The following PXK variants were observed in gnomAD, a reference collection of about 807,000 sequenced individuals.
PXK encodes the protein PX domain-containing protein kinase-like protein.
In PXK, 35 loss-of-function variants were observed where a neutral mutation model predicts 84.7. The observed-to-expected ratio is 0.41, with a 90% confidence interval of 0.32 to 0.55. The LOEUF is 0.55. PXK is among the 20% of genes least tolerant of loss of function. The pLI is 0.21. For synonymous variants in PXK, 253 were observed against 260.8 expected (o/e 0.97, Z 0.29); for missense variants, 634 against 699.7 (o/e 0.91, Z 1.06).
chr3:58,405,556 G>T (rs1290264928), intron 13 of PXK, among the ~76,000 whole-genome samples: 2 of 151,962 alleles, frequency 1.3e-5, no homozygotes, highest in African/African-American at 4.8e-5. Flanking sequence ...GCAGGTGCCT[G>T]TAATCCCAGC....
rs1559817681 is a variant in PXK at position 58,333,592 on chromosome 3, GTA to G, written c.102+503_102+504del. Reference sequence around the variant, plus strand: ...AGCCTACTTGTTGGGACAGCAGAGTGTAAGTGGCTGGGGTCTGCAGCCCCGTT... The same window carrying G: ...AGCCTACTTGTTGGGACAGCAGAGTGAGTGGCTGGGGTCTGCAGCCCCGTT... On this transcript the variant is annotated intron_variant, in intron 1 of 17. Coordinates refer to ENST00000356151, the MANE Select transcript of PXK (RefSeq NM_017771.5). The surrounding 1 kb of genome is among the most constrained non-coding windows in gnomAD (Gnocchi z 5.4). 1 of 456,736 alleles carries G rather than the reference GTA, an allele frequency of 2.2e-6. No individual in the cohort carries two copies. The highest frequency in any genetic ancestry group is 4.4e-6 in the Non-Finnish European group (1 of 226,956). The allele number at this position is 456,736 out of a possible 1,614,324, so 28.3% of individuals were successfully genotyped here. A position where few individuals can be genotyped will look rare whatever the true frequency, so the allele number is the denominator to read the frequency against.
At chr3:58,380,568 T>C (rs2098488541) in intron 3 of PXK, among the ~76,000 whole-genome samples, 1 of 152,170 alleles carries the variant, frequency 6.6e-6, no homozygotes, top group South Asian at 2.1e-4. Flanking sequence ...CCCAATACTT[T>C]GAGAGGCCAA....
intron 3 of PXK, among the ~76,000 whole-genome samples, chr3:58,381,089 A>G (rs2098496235): frequency 6.6e-6 from 1 of 152,056 alleles, no homozygotes; most frequent in Non-Finnish European, 1.5e-5. Flanking sequence ...TCTACTAAAA[A>G]TACGAAAATA....
rs1366597955 is a variant in PXK at position 58,333,564 on chromosome 3, C to T, written c.102+474C>T. On this transcript the variant is annotated intron_variant, in intron 1 of 17. Transcript: ENST00000356151. The surrounding 1 kb of genome is among the most constrained non-coding windows in gnomAD (Gnocchi z 5.4). ...TGCCGGGCCAAATGAAGTGTGACTC[C>T]AGAGCCTACTTGTTGGGACAGCAGA... 4.4e-6 allele frequency: 2 copies of T among 456,726 alleles called. No individual in the cohort carries two copies. Among genetic ancestry groups the T allele is most frequent in the African/African-American group, 2.0e-5 (1 of 50,200 alleles). The allele number at this position is 456,726 out of a possible 1,614,324, so 28.3% of individuals were successfully genotyped here.
chr3:58,406,213 C>T lies in PXK; in HGVS notation c.1230+2303C>T, dbSNP rs145531999. Among the ~76,000 whole-genome samples the T allele has an allele frequency of 6.0e-3, 908 of 152,224 alleles. 9 individuals are homozygous for T. Among genetic ancestry groups the T allele is most frequent in the African/African-American group, 0.021 (856 of 41,540 alleles). The stretch of plus-strand genomic sequence containing the variant: ...ACCTCAGGTGAACCACTCACCTCGG[C>T]CTCCCAAAGTGCTGGGATTACAGGT... On this transcript the variant is annotated intron_variant, in intron 13 of 17. Coordinates refer to ENST00000356151, the MANE Select transcript of PXK (RefSeq NM_017771.5).
intron 1 of PXK, among the ~76,000 whole-genome samples, chr3:58,336,083 T>A (rs1284258066): frequency 3.6e-3 from 365 of 102,446 alleles, no homozygotes; most frequent in African/African-American, 0.015. Flanking sequence ...TTTTTTTTTT[T>A]TTTTTTAATA....
intron 17 of PXK, chr3:58,422,671 CA>C: frequency 1.0e-6 from 1 of 985,392 alleles, no homozygotes; most frequent in Non-Finnish European, 1.2e-6. Flanking sequence ...GTAATGACGC[CA>C]AAACCAAGGG....
chr3:58,406,110 G>A (rs1192626864), intron 13 of PXK, among the ~76,000 whole-genome samples: 1 of 151,922 alleles, frequency 6.6e-6, no homozygotes, highest in Non-Finnish European at 1.5e-5. Flanking sequence ...GGGATTACAA[G>A]CATGCGCCAC....
At chr3:58,422,147 GTGGACCA>G in intron 17 of PXK, 1 of 985,370 alleles carries the variant, frequency 1.0e-6, no homozygotes, top group Non-Finnish European at 1.2e-6. Flanking sequence ...CAGGAAGCTT[GTGGACCA>G]TGGAAAGGGC....
At position 58,421,552 on chromosome 3, in the gene PXK, C is replaced by T; in HGVS notation, c.1529-3200C>T. 1.0e-6 allele frequency: 1 copy of T among 971,626 alleles called. No individual in the cohort carries two copies. Among genetic ancestry groups the T allele is most frequent in the South Asian group, 4.7e-5 (1 of 21,056 alleles). The allele number at this position is 971,626 out of a possible 1,614,324, so 60.2% of individuals were successfully genotyped here. ...CCGAGATCGCGCCACTGCACTCCAGCCTGGGCAACAGAGCGAGACTCCATC... is the reference window on the plus strand; with the variant it reads ...CCGAGATCGCGCCACTGCACTCCAGTCTGGGCAACAGAGCGAGACTCCATC... On this transcript the variant is annotated intron_variant, in intron 17 of 17. Transcript: ENST00000356151. The surrounding 1 kb of genome is among the most constrained non-coding windows in gnomAD (Gnocchi z 5.5).
In PXK at chr3:58,408,639, C is replaced by T. The variant is rs9860515; in HGVS notation, c.1231-285C>T. Reference sequence around the variant, plus strand: ...CCGGGTTCACGCCATTCTCCTGCCTCAGCCTCCTGAGTAGCTGGGACTACA... The same window carrying T: ...CCGGGTTCACGCCATTCTCCTGCCTTAGCCTCCTGAGTAGCTGGGACTACA... On this transcript the variant is annotated intron_variant, in intron 13 of 17. Transcript: ENST00000356151. Among the ~76,000 whole-genome samples the T allele has an allele frequency of 7.3e-3, 1,116 of 152,182 alleles. 14 individuals are homozygous for T. Among genetic ancestry groups the T allele is most frequent in the African/African-American group, 0.026 (1,059 of 41,494 alleles).
At chr3:58,343,036 CATT>C (rs1255857964) in intron 1 of PXK, among the ~76,000 whole-genome samples, 2 of 152,196 alleles carry the variant, frequency 1.3e-5, no homozygotes, top group African/African-American at 4.8e-5. Context: ...CATTTCTCCT[CATT>C]AATTCAGTTG....
chr3:58,379,764 A>G lies in PXK; in HGVS notation c.202-2750A>G, dbSNP rs1484550795. ...GACAACTATTTAGAAGGGCTAAAAG[A>G]TAAAGGAAATACTCTTTAAAAAAAA... On this transcript the variant is annotated intron_variant, in intron 3 of 17. Transcript: ENST00000356151. This position sits in a 1 kb window ranked among gnomAD's most constrained non-coding sequence, Gnocchi z 5.1. Among the ~76,000 whole-genome samples, 1 of 152,166 alleles carries G rather than the reference A, an allele frequency of 6.6e-6. No homozygotes were observed. Among genetic ancestry groups the G allele is most frequent in the African/African-American group, 2.4e-5 (1 of 41,436 alleles).
intron 17 of PXK, among the ~76,000 whole-genome samples, chr3:58,417,085 T>C (rs2061085618): frequency 6.6e-6 from 1 of 152,176 alleles, no homozygotes; most frequent in African/African-American, 2.4e-5. Flanking sequence ...TTAAATTTTT[T>C]GTAGAGACAG....
At chr3:58,337,267 C>T (rs1336468001) in intron 1 of PXK, among the ~76,000 whole-genome samples, 2 of 152,170 alleles carry the variant, frequency 1.3e-5, no homozygotes, top group Non-Finnish European at 2.9e-5. Flanking sequence ...GATAATATTA[C>T]ATGTTAAAAT....
chr3:58,343,858 C>T (rs1053267598), intron 1 of PXK, among the ~76,000 whole-genome samples: 7 of 152,268 alleles, frequency 4.6e-5, no homozygotes, highest in Admixed American at 1.3e-4. Flanking sequence ...ACCTGCCAAG[C>T]GGGTTACGGG....
In PXK at chr3:58,370,929, G is replaced by A. The variant is rs973392845; in HGVS notation, c.201+1451G>A. 6.6e-6 allele frequency among the ~76,000 whole-genome samples: 1 copy of A among 152,150 alleles called. No individual in the cohort carries two copies. Among genetic ancestry groups the A allele is most frequent in the Non-Finnish European group, 1.5e-5 (1 of 68,016 alleles). On this transcript the variant is annotated intron_variant, in intron 3 of 17. Transcript: ENST00000356151. The surrounding 1 kb of genome is among the most constrained non-coding windows in gnomAD (Gnocchi z 4.2). ...AGGAGAACCGCCTGAACCCAGGAGG[G>A]GGAGGTTGCAGTGAGCCAAGAATGC...
intron 1 of PXK, among the ~76,000 whole-genome samples, chr3:58,339,383 C>T: frequency 6.6e-6 from 1 of 151,830 alleles, no homozygotes; most frequent in East Asian, 1.9e-4. Flanking sequence ...GCGCCACGTA[C>T]CATGCTCGGC....
Position 58,399,524 on chromosome 3 carries a change from G to A in PXK, c.1181+147G>A. Reference sequence around the variant, plus strand: ...GCTTGCTGATGGGCACTTGCAGCATGATATCCTCACCCTTTGTTTGTGACC... The same window carrying A: ...GCTTGCTGATGGGCACTTGCAGCATAATATCCTCACCCTTTGTTTGTGACC... On this transcript the variant is annotated intron_variant, in intron 12 of 17. Coordinates refer to ENST00000356151, the MANE Select transcript of PXK (RefSeq NM_017771.5). This position sits in a 1 kb window ranked among gnomAD's most constrained non-coding sequence, Gnocchi z 4.3. 1.4e-6 allele frequency: 1 copy of A among 736,866 alleles called. No individual in the cohort carries two copies. Among genetic ancestry groups the A allele is most frequent in the Admixed American group, 2.1e-5 (1 of 48,094 alleles). The allele number at this position is 736,866 out of a possible 1,614,324, so 45.6% of individuals were successfully genotyped here.
Sources: gnomAD v4.1 joint callset for allele counts (sites outside exome capture counted in the v4.1 genomes callset) on GRCh38, gnomAD v4.1.1 for gene constraint, Gnocchi (gnomAD v3.1) non-coding constraint, MANE v1.5 for transcripts, NCBI Gene and HGNC (gene_info 2026-07-23, HGNC 2026-07-21) for gene names.